ARL6IP6: variants seen among roughly 807,000 people sequenced by gnomAD.
ARL6IP6 encodes ADP-ribosylation factor-like protein 6-interacting protein 6.
ARL6IP6 carries 22 observed loss-of-function variants against 21.5 expected under a neutral mutation model. That is an observed-to-expected ratio of 1.02 (90% CI 0.73 to 1.46). The LOEUF (loss-of-function observed/expected upper bound fraction) is 1.46. Ranked by LOEUF, ARL6IP6 falls within the 40% of genes most tolerant of loss-of-function variation. The probability of loss-of-function intolerance (pLI) is 0.00; values close to 1 mark genes in which losing one functional copy is unlikely to be tolerated. For missense variants in ARL6IP6, 388 were observed against 299.8 expected (o/e 1.29, Z -2.17); for synonymous variants, 164 against 125.3 (o/e 1.31, Z -2.06).
At chr2:152,742,953 C>G (rs1238533312) in intron 3 of ARL6IP6, among the ~76,000 whole-genome samples, 1 of 152,172 alleles carries the variant, frequency 6.6e-6, no homozygotes, top group African/African-American at 2.4e-5. Flanking sequence ...ATTCACCATA[C>G]TAGCTAACTT....
chr2:152,718,220 C>G (rs549575398), upstream of ARL6IP6: 23 of 418,260 alleles, frequency 5.5e-5, no homozygotes, highest in East Asian at 2.8e-3. Flanking sequence ...TCCGAGGGCG[C>G]GAGCGGGCGC....
rs574102868 is a variant in ARL6IP6, at chr2:152,755,729, C to T, written c.588-4018C>T. ...ATAAATAACAGCGCAGCTAGACATT[C>T]GGGGCCACTACTGGTCTCCGCGAAT... On this transcript the variant is annotated intron_variant, in intron 3 of 3. Transcript: ENST00000326446. Among the ~76,000 whole-genome samples the T allele has an allele frequency of 5.9e-5, 9 of 152,254 alleles. No homozygotes were observed. In the South Asian group the frequency reaches 1.5e-3, roughly 25 times the overall value.
At chr2:152,758,405 A>T (rs997362432) in intron 3 of ARL6IP6, among the ~76,000 whole-genome samples, 3 of 152,130 alleles carry the variant, frequency 2.0e-5, no homozygotes, top group African/African-American at 4.8e-5. Context: ...TTGGATCGTC[A>T]CTAAATATTT....
Position 152,759,894 on chromosome 2 carries a change from A to G in ARL6IP6, c.*54A>G. ...AACTTAATCATGATTGTTTTGTAAT[A>G]ACAAGAAGGAGCATCACTGTCTACT... On this transcript the variant is annotated 3_prime_UTR_variant, in exon 4 of 4. Transcript: ENST00000326446. 2 of 1,445,784 alleles carry G rather than the reference A, an allele frequency of 1.4e-6. No individual in the cohort carries two copies. Among genetic ancestry groups the G allele is most frequent in the South Asian group, 1.1e-5 (1 of 87,098 alleles). 89.6% of individuals were successfully genotyped at this position (1,445,784 alleles called of 1,614,324 possible).
intron 3 of ARL6IP6, among the ~76,000 whole-genome samples, chr2:152,747,092 G>C (rs1559239245): frequency 1.3e-5 from 2 of 151,898 alleles, no homozygotes; most frequent in African/African-American, 2.4e-5. Context: ...AGTCTCCCAA[G>C]GCACTGGGAT....
chr2:152,720,546 G>T lies in ARL6IP6; in HGVS notation c.414G>T (p.Glu138Asp). The change falls in exon 2 of 4, where the codon GAG becomes GAT. Residue 138 changes from glutamate (E) to aspartate (D), a missense_variant. Glu to Asp is a conservative substitution (Grantham distance 45). Transcript: ENST00000326446. ...TTGTATTTGCAGAGTTGCATGCTGA[G>T]AATTTGAAAAATGAAGATGATGTAG... ...AYLIVKELHA[E>D]NLKNEDDVDT... is the part of the protein sequence containing the mutation. 1 of 1,613,944 alleles carries T rather than the reference G, an allele frequency of 6.2e-7. No individual in the cohort carries two copies. The highest frequency in any genetic ancestry group is 8.5e-7 in the Non-Finnish European group (1 of 1,179,898).
chr2:152,718,744 C>G lies in ARL6IP6; in HGVS notation c.120C>G (p.Gly40=), dbSNP rs749346719. The change falls in exon 1 of 4, where the codon GGC becomes GGG. Residue 40 remains glycine (G), a synonymous_variant. Transcript: ENST00000326446. The part of the protein sequence containing the change: ...SFTQGDSWGE[G]EVDEEEGCDQ... ...CTCAGGGGGACAGCTGGGGTGAAGG[C>G]GAAGTCGACGAGGAGGAGGGATGCG... 1 of 1,610,542 alleles carries G rather than the reference C, an allele frequency of 6.2e-7. No homozygotes were observed. The highest frequency in any genetic ancestry group is 2.2e-5 in the East Asian group (1 of 44,788).
In ARL6IP6 at chr2:152,735,017, T is replaced by A; in HGVS notation, c.478T>A (p.Ser160Thr). Residue 160 changes from serine (S) to threonine (T), a missense_variant, in exon 3 of 4, where the codon TCC becomes ACC. Coordinates refer to ENST00000326446, the MANE Select transcript of ARL6IP6 (RefSeq NM_152522.7). Reference sequence around the variant, plus strand: ...AGGATTCTGGACTCTACTTATAATATCCCTAACTGCTGGATTCTCCTGTTG... The same window carrying A: ...AGGATTCTGGACTCTACTTATAATAACCCTAACTGCTGGATTCTCCTGTTG... ...LLGFWTLLII[S>T]LTAGFSCCSF... 1.9e-6 allele frequency: 3 copies of A among 1,613,292 alleles called. No homozygotes were observed. The highest frequency in any genetic ancestry group is 2.2e-5 in the South Asian group (2 of 91,052).
At chr2:152,725,678 G>A (rs1290980936) in intron 2 of ARL6IP6, among the ~76,000 whole-genome samples, 1 of 151,738 alleles carries the variant, frequency 6.6e-6, no homozygotes, top group Admixed American at 6.6e-5. Flanking sequence ...ATAATGACAA[G>A]CTGTAACCAA....
At chr2:152,719,233 T>C (rs546894118) in intron 1 of ARL6IP6, among the ~76,000 whole-genome samples, 2 of 152,292 alleles carry the variant, frequency 1.3e-5, no homozygotes, top group East Asian at 3.9e-4. Context: ...AGACGTATTT[T>C]TAAAAAGGAT....
In ARL6IP6 at chr2:152,742,410, A is replaced by G. The variant is rs79574149; in HGVS notation, c.587+7284A>G. Among the ~76,000 whole-genome samples, 366 of 152,060 alleles carry G rather than the reference A, an allele frequency of 2.4e-3. 10 individuals carry two copies. The East Asian group carries it at 0.061, about 25-fold the overall frequency. ...TAGTGAGATGCTGCCTCTACAAAAA[A>G]TTTTAAAAAGTATCCAGGTGTGGTG... On this transcript the variant is annotated intron_variant, in intron 3 of 3. Transcript: ENST00000326446.
intron 2 of ARL6IP6, among the ~76,000 whole-genome samples, chr2:152,722,270 A>G (rs1368614111): frequency 2.0e-5 from 3 of 152,224 alleles, no homozygotes; most frequent in African/African-American, 7.2e-5. Context: ...GAAAATCATT[A>G]AGATTTTGCT....
intron 2 of ARL6IP6, among the ~76,000 whole-genome samples, chr2:152,726,609 A>T (rs16831705): frequency 0.025 from 3,752 of 152,322 alleles, 152 homozygotes; most frequent in African/African-American, 0.084. Flanking sequence ...TTAAAAATTG[A>T]TGGTTAGTTT....
chr2:152,735,195 A>C, intron 3 of ARL6IP6, 69 bp downstream of exon 3: 1 of 1,550,550 alleles, frequency 6.4e-7, no homozygotes, highest in Non-Finnish European at 8.9e-7. Flanking sequence ...AAATACTCAG[A>C]AGCAAGAGGC....
Position 152,742,062 on chromosome 2 carries a change from T to G in ARL6IP6, c.587+6936T>G, listed in dbSNP as rs572024082. ...ATCCTGCTTCTTCTACACTACCTAC[T>G]CAACATCTCCAGTTCATTTCTCATC... On this transcript the variant is annotated intron_variant, in intron 3 of 3. Coordinates refer to ENST00000326446, the MANE Select transcript of ARL6IP6 (RefSeq NM_152522.7). 9.2e-5 allele frequency among the ~76,000 whole-genome samples: 14 copies of G among 152,350 alleles called. No homozygotes were observed. In the South Asian group the frequency reaches 1.4e-3, roughly 16 times the overall value.
chr2:152,755,442 C>G (rs1701541654), intron 3 of ARL6IP6, among the ~76,000 whole-genome samples: 1 of 152,196 alleles, frequency 6.6e-6, no homozygotes, highest in Non-Finnish European at 1.5e-5. Context: ...TGGCCACGCT[C>G]CTGGTCCACC....
At chr2:152,755,687 C>T (rs1210885982) in intron 3 of ARL6IP6, among the ~76,000 whole-genome samples, 1 of 152,208 alleles carries the variant, frequency 6.6e-6, no homozygotes, top group Non-Finnish European at 1.5e-5. Flanking sequence ...TACCCTGCCC[C>T]TTTTGCTTTG....
intron 3 of ARL6IP6, among the ~76,000 whole-genome samples, chr2:152,750,201 G>T (rs1296821890): frequency 6.6e-6 from 1 of 152,076 alleles, no homozygotes; most frequent in African/African-American, 2.4e-5. Flanking sequence ...AACTGAGACC[G>T]AGCGCAGTGG....
intron 3 of ARL6IP6, among the ~76,000 whole-genome samples, chr2:152,741,312 T>G (rs1370199423): frequency 1.3e-5 from 2 of 152,082 alleles, no homozygotes; most frequent in African/African-American, 4.8e-5. Context: ...TGTATATACT[T>G]TTTTGTAAGA....
Sources: gnomAD v4.1 joint callset for allele counts (sites outside exome capture counted in the v4.1 genomes callset) on GRCh38, gnomAD v4.1.1 for gene constraint, MANE v1.5 for transcripts, NCBI Gene and HGNC (gene_info 2026-07-23, HGNC 2026-07-21) for gene names.